Variants in NTRK2 observed in about 807,000 individuals in gnomAD.
NTRK2 encodes the protein BDNF/NT-3 growth factors receptor.
Under a neutral mutation model 94.5 loss-of-function variants are expected in NTRK2, and 13 were observed. That is an observed-to-expected ratio of 0.14 (90% CI 0.09 to 0.22). NTRK2 has a LOEUF of 0.22. NTRK2 is among the 10% of genes least tolerant of loss of function. The probability of loss-of-function intolerance (pLI) is 1.00; values close to 1 mark genes in which losing one functional copy is unlikely to be tolerated. For missense variants in NTRK2, 639 were observed against 1,071.2 expected, an observed-to-expected ratio of 0.60 and a Z score of 5.63; for synonymous variants, 372 against 407.4, an observed-to-expected ratio of 0.91 and a Z score of 1.05.
intron 14 of NTRK2, among the ~76,000 whole-genome samples, chr9:84,885,972 A>G (rs557346925): frequency 3.0e-3 from 457 of 152,230 alleles, no homozygotes; most frequent in African/African-American, 0.011. Context: ...CAGAGGTTGC[A>G]GTGAGCTGAG....
intron 12 of NTRK2, among the ~76,000 whole-genome samples, chr9:84,772,707 A>G (rs1573219): frequency 0.67 from 101,881 of 152,000 alleles, 34,677 homozygotes; most frequent in East Asian, 0.74. Flanking sequence ...AAATCAGGGA[A>G]TTCTTCACAG....
At chr9:84,700,692 G>A (rs1277675144) in intron 2 of NTRK2, among the ~76,000 whole-genome samples, 2 of 151,952 alleles carry the variant, frequency 1.3e-5, no homozygotes, top group Non-Finnish European at 2.9e-5. Context: ...ACACAGTGGG[G>A]GACCTATAGA....
intron 17 of NTRK2, among the ~76,000 whole-genome samples, chr9:84,985,481 C>T (rs1828179886): frequency 6.6e-6 from 1 of 152,220 alleles, no homozygotes; most frequent in South Asian, 2.1e-4. Context: ...TTAATATTCA[C>T]AGTACAGCCT....
chr9:84,875,642 A>G lies in NTRK2; in HGVS notation c.1633+8211A>G, dbSNP rs201010776. The G allele has an allele frequency of 6.8e-5, 72 of 1,057,970 alleles. No homozygotes were observed. In the South Asian group the frequency reaches 2.8e-3, roughly 42 times the overall value. 65.5% of individuals were successfully genotyped at this position (1,057,970 alleles called of 1,614,324 possible). A position where few individuals can be genotyped will look rare whatever the true frequency, so the allele number is the denominator to read the frequency against. Reference sequence around the variant, plus strand: ...GATGTTTAGGGATGCCTTCACTTCCATCAAGGATACCTTGGCTGTGCAAGG... The same window carrying G: ...GATGTTTAGGGATGCCTTCACTTCCGTCAAGGATACCTTGGCTGTGCAAGG... On this transcript the variant is annotated intron_variant, in intron 14 of 18. Coordinates refer to ENST00000277120, the MANE Select transcript of NTRK2 (RefSeq NM_006180.6).
intron 17 of NTRK2, among the ~76,000 whole-genome samples, chr9:84,994,479 T>C (rs1322260808): frequency 2.0e-5 from 3 of 152,198 alleles, no homozygotes; most frequent in African/African-American, 7.2e-5. Flanking sequence ...TCCCAGAGGA[T>C]GGTTTGGAGG....
At position 84,745,010 on chromosome 9, in the gene NTRK2, G is replaced by T. The variant is rs141562338; in HGVS notation, c.1233G>T (p.Thr411=). The T allele has an allele frequency of 1.2e-6, 2 of 1,613,558 alleles. No individual in the cohort carries two copies. Among genetic ancestry groups the T allele is most frequent in the Admixed American group, 3.3e-5 (2 of 59,936 alleles). Residue 411 remains threonine (T), a synonymous_variant, in exon 11 of 19, where the codon ACG becomes ACT. Coordinates refer to ENST00000277120, the MANE Select transcript of NTRK2 (RefSeq NM_006180.6). ...GTAANDIGDT[T]NRSNEIPSTD... ...CAGCGAATGACATCGGGGACACCAC[G>T]AACAGAAGTAATGAAATCCCTTCCA...
chr9:84,811,039 A>T, intron 12 of NTRK2: 1 of 1,081,162 alleles, frequency 9.2e-7, no homozygotes, highest in Non-Finnish European at 1.1e-6. Flanking sequence ...TCTAATCTAC[A>T]TGTAACACAT....
chr9:84,775,045 T>C (rs1392114816), intron 12 of NTRK2, among the ~76,000 whole-genome samples: 1 of 152,270 alleles, frequency 6.6e-6, no homozygotes, highest in African/African-American at 2.4e-5. Flanking sequence ...TTCAAATTGG[T>C]ACACAAATGT....
chr9:84,759,338 T>C (rs2065349904), intron 12 of NTRK2, among the ~76,000 whole-genome samples: 1 of 152,250 alleles, frequency 6.6e-6, no homozygotes, highest in African/African-American at 2.4e-5. Context: ...TGAAAATGTG[T>C]GTCAGACTTC....
In NTRK2 at chr9:84,855,298, G is replaced by A. The variant is rs1010478708; in HGVS notation, c.1397-5742G>A. 7.2e-5 allele frequency among the ~76,000 whole-genome samples: 11 copies of A among 152,310 alleles called. 1 individual carries two copies. The highest frequency in any genetic ancestry group is 2.6e-4 in the African/African-American group (11 of 41,570). The stretch of plus-strand genomic sequence containing the variant: ...AGAAGGCTACTGAAGAAATCTAGGT[G>A]AGAGATGATGGATGCTTTTCAGTTT... On this transcript the variant is annotated intron_variant, in intron 12 of 18. Transcript: ENST00000277120.
At chr9:85,014,659 C>T (rs889380225) in intron 17 of NTRK2, among the ~76,000 whole-genome samples, 2 of 152,104 alleles carry the variant, frequency 1.3e-5, no homozygotes, top group Non-Finnish European at 2.9e-5. Flanking sequence ...GTAGTCAAAC[C>T]AATTAGATGT....
At chr9:84,955,184 T>C in intron 16 of NTRK2, 99 bp from the exon 17 acceptor site, 1 of 945,532 alleles carries the variant, frequency 1.1e-6, no homozygotes, top group Non-Finnish European at 1.6e-6. Flanking sequence ...AGGGTGGGGG[T>C]GAGGAGCTTA....
At chr9:84,757,709 T>C (rs184976340) in intron 12 of NTRK2, among the ~76,000 whole-genome samples, 1 of 152,364 alleles carries the variant, frequency 6.6e-6, no homozygotes, top group East Asian at 1.9e-4. Context: ...TAGTAATTGC[T>C]CTATAAATAT....
intron 17 of NTRK2, among the ~76,000 whole-genome samples, chr9:85,009,622 G>A (rs1418088436): frequency 6.6e-6 from 1 of 152,138 alleles, no homozygotes; most frequent in Non-Finnish European, 1.5e-5. Flanking sequence ...CTCAGAGCAT[G>A]GCACACAAAG....
chr9:84,896,708 G>A (rs538325619), intron 14 of NTRK2, among the ~76,000 whole-genome samples: 11 of 152,062 alleles, frequency 7.2e-5, no homozygotes, highest in Non-Finnish European at 1.0e-4. Flanking sequence ...AAATGACCTC[G>A]TACCATATGC....
At chr9:85,009,842 G>A (rs1464467144) in intron 17 of NTRK2, among the ~76,000 whole-genome samples, 1 of 152,110 alleles carries the variant, frequency 6.6e-6, no homozygotes, top group Non-Finnish European at 1.5e-5. Flanking sequence ...AGAGAAAGTG[G>A]TTTTCTGTTG....
intron 12 of NTRK2, among the ~76,000 whole-genome samples, chr9:84,847,481 C>T (rs546086855): frequency 6.6e-6 from 1 of 152,184 alleles, no homozygotes; most frequent in Non-Finnish European, 1.5e-5. Flanking sequence ...TCTTTTGGCT[C>T]TTTTCCATTT....
At chr9:84,813,708 G>T (rs1457295648) in intron 12 of NTRK2, 21 of 1,066,012 alleles carry the variant, frequency 2.0e-5, no homozygotes, top group Non-Finnish European at 2.0e-5. Context: ...ACTCCCGTGT[G>T]GCCAGAGACA....
intron 17 of NTRK2, among the ~76,000 whole-genome samples, chr9:85,014,096 T>G (rs2133546449): frequency 6.6e-6 from 1 of 152,236 alleles, no homozygotes; most frequent in South Asian, 2.1e-4. Flanking sequence ...TGGGGTATGA[T>G]CCTTTGGGGA....
Sources: gnomAD v4.1 joint callset for allele counts (sites outside exome capture counted in the v4.1 genomes callset) on GRCh38, gnomAD v4.1.1 for gene constraint, MANE v1.5 for transcripts, NCBI Gene and HGNC (gene_info 2026-07-23, HGNC 2026-07-21) for gene names.